NRG3: variants seen among roughly 807,000 people sequenced by gnomAD.
NRG3 encodes pro-neuregulin-3, membrane-bound isoform.
Under a neutral mutation model 66.9 loss-of-function variants are expected in NRG3, and 31 were observed. The ratio of observed to expected loss-of-function variants is 0.46; its 90% CI spans 0.35 to 0.63. The LOEUF (loss-of-function observed/expected upper bound fraction) is 0.63, where lower values mean the gene tolerates loss of function less well. Among genes scored for constraint, NRG3 ranks in the 20% least tolerant of loss-of-function variants. The probability of loss-of-function intolerance (pLI) is 0.00; values close to 1 mark genes in which losing one functional copy is unlikely to be tolerated. For synonymous variants in NRG3, 393 were observed against 359.4 expected, an observed-to-expected ratio of 1.09 and a Z score of -1.06; for missense variants, 910 against 878.9, an observed-to-expected ratio of 1.04 and a Z score of -0.45.
chr10:82,563,629 C>T (rs1191504653), intron 2 of NRG3, among the ~76,000 whole-genome samples: 2 of 151,658 alleles, frequency 1.3e-5, no homozygotes, highest in Admixed American at 6.6e-5. Flanking sequence ...ATATGTTTCA[C>T]ATATATCAAA....
intron 1 of NRG3, among the ~76,000 whole-genome samples, chr10:82,034,645 C>T (rs570818902): frequency 1.3e-3 from 191 of 152,198 alleles, no homozygotes; most frequent in Admixed American, 2.6e-3. Flanking sequence ...CATTCCCCAG[C>T]CATTCCCTGG....
chr10:82,072,995 G>T (rs2064891708), intron 1 of NRG3, among the ~76,000 whole-genome samples: 1 of 151,844 alleles, frequency 6.6e-6, no homozygotes, highest in Non-Finnish European at 1.5e-5. Flanking sequence ...GGCTGGTCTT[G>T]AACTCCTGGT....
At chr10:81,911,481 C>G (rs974053869) in intron 1 of NRG3, among the ~76,000 whole-genome samples, 1 of 151,974 alleles carries the variant, frequency 6.6e-6, no homozygotes, top group Non-Finnish European at 1.5e-5. Flanking sequence ...TGGAAATGCC[C>G]TCTCGACAGT....
chr10:82,858,942 C>CTTTTTTT (rs534067829), intron 3 of NRG3, among the ~76,000 whole-genome samples: 20 of 124,234 alleles, frequency 1.6e-4, no homozygotes, highest in South Asian at 5.5e-4. Flanking sequence ...AGTAGTCTAA[C>CTTTTTTT]TTTTTTTTTT....
At chr10:81,938,165 A>G (rs982212362) in intron 1 of NRG3, among the ~76,000 whole-genome samples, 14 of 152,088 alleles carry the variant, frequency 9.2e-5, no homozygotes, top group African/African-American at 1.7e-4. Context: ...ATCAGGAATC[A>G]TGAGGCTTGC....
chr10:81,914,769 C>CAAAAAAAAAAA (rs58460918), intron 1 of NRG3, among the ~76,000 whole-genome samples: 223 of 66,956 alleles, frequency 3.3e-3, no homozygotes, highest in East Asian at 9.6e-3. Context: ...AAACAGAAAG[C>CAAAAAAAAAAA]AAAAAAAAAA....
intron 1 of NRG3, among the ~76,000 whole-genome samples, chr10:82,288,414 G>C (rs562429422): frequency 6.6e-6 from 1 of 152,272 alleles, no homozygotes; most frequent in East Asian, 1.9e-4. Context: ...GTATGGAAAA[G>C]ACATTGTTTT....
intron 1 of NRG3, among the ~76,000 whole-genome samples, chr10:81,978,108 A>G (rs1238948958): frequency 6.6e-6 from 1 of 152,288 alleles, no homozygotes; most frequent in African/African-American, 2.4e-5. Context: ...GTGCTATAGA[A>G]TGCTAGAACT....
At chr10:82,171,520 A>G (rs1317599848) in intron 1 of NRG3, among the ~76,000 whole-genome samples, 7 of 152,134 alleles carry the variant, frequency 4.6e-5, no homozygotes, top group Non-Finnish European at 4.4e-5. Flanking sequence ...TGCAGCCACT[A>G]AGGACCTGGA....
intron 3 of NRG3, among the ~76,000 whole-genome samples, chr10:82,768,802 T>C (rs1489109809): frequency 1.3e-5 from 2 of 152,138 alleles, no homozygotes; most frequent in African/African-American, 2.4e-5. Flanking sequence ...GACAAGGCTT[T>C]TGACAGAAAA....
intron 1 of NRG3, among the ~76,000 whole-genome samples, chr10:82,222,874 C>T (rs10509448): frequency 0.12 from 17,832 of 152,152 alleles, 1,292 homozygotes; most frequent in Admixed American, 0.21. Context: ...ATACTTTTTA[C>T]ATCCTAATAT....
At chr10:82,185,785 G>A (rs1040632031) in intron 1 of NRG3, among the ~76,000 whole-genome samples, 6 of 152,094 alleles carry the variant, frequency 3.9e-5, no homozygotes, top group African/African-American at 1.2e-4. Context: ...AATGCTCCAG[G>A]ACTGCATTAT....
chr10:82,869,882 A>C (rs1045860439), intron 4 of NRG3, among the ~76,000 whole-genome samples: 3 of 151,604 alleles, frequency 2.0e-5, no homozygotes, highest in Non-Finnish European at 4.4e-5. Flanking sequence ...TGCTAGGATT[A>C]CAGGCGTGAG....
At chr10:82,921,491 G>A (rs1298447674) in intron 4 of NRG3, among the ~76,000 whole-genome samples, 11 of 152,104 alleles carry the variant, frequency 7.2e-5, no homozygotes, top group South Asian at 2.1e-4. Flanking sequence ...TGTGACGAAC[G>A]TACTGTACTA....
At chr10:82,127,244 G>A (rs75948710) in intron 1 of NRG3, among the ~76,000 whole-genome samples, 2,616 of 152,170 alleles carry the variant, frequency 0.017, 88 homozygotes, top group African/African-American at 0.059. Context: ...TGATGGGGCT[G>A]GGGGAGTGGA....
chr10:82,276,781 T>C (rs1564739572), intron 1 of NRG3, among the ~76,000 whole-genome samples: 1 of 151,982 alleles, frequency 6.6e-6, no homozygotes, highest in Admixed American at 6.6e-5. Flanking sequence ...ATACTGATCT[T>C]TATATTTGCA....
intron 1 of NRG3, among the ~76,000 whole-genome samples, chr10:82,087,621 A>G (rs991610494): frequency 8.5e-5 from 13 of 152,144 alleles, no homozygotes; most frequent in African/African-American, 3.1e-4. Context: ...TGCACTGCCC[A>G]TTGTCTGTAG....
chr10:81,930,438 G>T (rs1847231911), intron 1 of NRG3, among the ~76,000 whole-genome samples: 1 of 151,614 alleles, frequency 6.6e-6, no homozygotes, highest in Non-Finnish European at 1.5e-5. Context: ...ACACAGGGCA[G>T]TTTCTGAGAG....
At chr10:82,353,560 C>T (rs2083567217) in intron 1 of NRG3, among the ~76,000 whole-genome samples, 1 of 152,174 alleles carries the variant, frequency 6.6e-6, no homozygotes, top group Admixed American at 6.5e-5. Context: ...AGCACTCTCC[C>T]TGACCTCCCT....
Sources: gnomAD v4.1 joint callset for allele counts (sites outside exome capture counted in the v4.1 genomes callset) on GRCh38, gnomAD v4.1.1 for gene constraint, MANE v1.5 for transcripts, NCBI Gene and HGNC (gene_info 2026-07-23, HGNC 2026-07-21) for gene names.